The following GABRG3 variants were observed in gnomAD, a reference collection of about 807,000 sequenced individuals.
The protein encoded by GABRG3 is gamma-aminobutyric acid receptor subunit gamma-3.
In GABRG3, 25 loss-of-function variants were observed where a neutral mutation model predicts 48.8. That is an observed-to-expected ratio of 0.51 (90% CI 0.37 to 0.72). The LOEUF is 0.72. Among genes scored for constraint, GABRG3 ranks in the 30% least tolerant of loss-of-function variants. The pLI, the probability that GABRG3 is intolerant of heterozygous loss-of-function variation, is 0.00. For synonymous variants in GABRG3, 227 were observed against 217.6 expected (o/e 1.04, Z -0.38); for missense variants, 394 against 577.9 (o/e 0.68, Z 3.26).
intron 3 of GABRG3, among the ~76,000 whole-genome samples, chr15:27,155,023 A>G (rs575285513): frequency 6.7e-4 from 102 of 152,048 alleles, no homozygotes; most frequent in Non-Finnish European, 1.1e-3. Flanking sequence ...CCATGACACA[A>G]ATACTAGATC....
chr15:27,106,738 ATATCAC>A (rs1897456060), intron 3 of GABRG3, among the ~76,000 whole-genome samples: 1 of 152,050 alleles, frequency 6.6e-6, no homozygotes, highest in South Asian at 2.1e-4. Context: ...GAAATGAGGG[ATATCAC>A]TATAGGTCTG....
chr15:27,178,227 G>GA (rs993070587), intron 3 of GABRG3, among the ~76,000 whole-genome samples: 3 of 152,222 alleles, frequency 2.0e-5, no homozygotes, highest in Admixed American at 2.0e-4. Flanking sequence ...GTATTGTGTG[G>GA]AAAGAGTTGA....
chr15:27,005,342 A>C (rs1409571431), intron 2 of GABRG3, among the ~76,000 whole-genome samples: 1 of 152,176 alleles, frequency 6.6e-6, no homozygotes, highest in Non-Finnish European at 1.5e-5. Flanking sequence ...CTGGGACTAC[A>C]GGAGCAGGCC....
chr15:26,972,332 A>T lies in GABRG3; in HGVS notation c.53+744A>T, dbSNP rs1481153665. Reference sequence around the variant, plus strand: ...AACCGGCTAATGGGAGCTTAGAATCACTCTAGAAGAGATGAAGAGGGCGCA... The same window carrying T: ...AACCGGCTAATGGGAGCTTAGAATCTCTCTAGAAGAGATGAAGAGGGCGCA... On this transcript the variant is annotated intron_variant, in intron 1 of 9. Transcript: ENST00000615808. Among the ~76,000 whole-genome samples the T allele has an allele frequency of 2.6e-5, 4 of 152,180 alleles. No individual in the cohort carries two copies. In the East Asian group the frequency reaches 7.8e-4, roughly 30 times the overall value.
At chr15:27,388,184 G>A (rs1301332731) in intron 5 of GABRG3, among the ~76,000 whole-genome samples, 3 of 97,238 alleles carry the variant, frequency 3.1e-5, no homozygotes, top group Non-Finnish European at 5.8e-5. Context: ...GGAAAGGAGG[G>A]AGGGAGGGTA....
intron 5 of GABRG3, among the ~76,000 whole-genome samples, chr15:27,407,010 C>T (rs1357855563): frequency 6.6e-6 from 1 of 152,060 alleles, no homozygotes; most frequent in East Asian, 1.9e-4. Context: ...TCATTGCAAC[C>T]TCCACCTCCT....
chr15:27,524,499 T>C (rs1259247241), intron 7 of GABRG3, among the ~76,000 whole-genome samples: 1 of 152,086 alleles, frequency 6.6e-6, no homozygotes, highest in Non-Finnish European at 1.5e-5. Context: ...GTTTTCTAAA[T>C]TACTTATAAT....
intron 7 of GABRG3, among the ~76,000 whole-genome samples, chr15:27,526,955 CAGGGA>C (rs572529051): frequency 9.5e-4 from 144 of 152,244 alleles, no homozygotes; most frequent in African/African-American, 3.4e-3. Context: ...GTAGAAGGTA[CAGGGA>C]TACTGCAGAT....
intron 3 of GABRG3, among the ~76,000 whole-genome samples, chr15:27,071,985 A>T (rs192228095): frequency 6.6e-6 from 1 of 152,334 alleles, no homozygotes; most frequent in Admixed American, 6.5e-5. Flanking sequence ...TCAGGACGGT[A>T]TTTAAGCCAT....
At chr15:26,999,144 C>T (rs797000953) in intron 2 of GABRG3, among the ~76,000 whole-genome samples, 1 of 144,148 alleles carries the variant, frequency 6.9e-6, no homozygotes, top group Non-Finnish European at 1.5e-5. Flanking sequence ...AAAAAAAAAA[C>T]ACAATGAAAA....
At chr15:27,299,628 C>G (rs529724335) in intron 3 of GABRG3, among the ~76,000 whole-genome samples, 1 of 152,088 alleles carries the variant, frequency 6.6e-6, no homozygotes, top group Non-Finnish European at 1.5e-5. Flanking sequence ...AAAGTTGAGT[C>G]CCCAGGGAAT....
chr15:27,450,207 CA>C (rs1889068510), intron 5 of GABRG3, among the ~76,000 whole-genome samples: 1 of 152,182 alleles, frequency 6.6e-6, no homozygotes. Flanking sequence ...CTCCTGCCGT[CA>C]TTTTTTTCGT....
chr15:27,245,835 C>G (rs1004724781), intron 3 of GABRG3, among the ~76,000 whole-genome samples: 9 of 152,274 alleles, frequency 5.9e-5, no homozygotes, highest in Admixed American at 5.2e-4. Flanking sequence ...GCCTGGGTGA[C>G]AGTGCGAGAC....
Position 27,039,574 on chromosome 15 carries a change from C to T in GABRG3, c.270+12753C>T, listed in dbSNP as rs115425850. Among the ~76,000 whole-genome samples, 1,371 of 152,294 alleles carry T rather than the reference C, an allele frequency of 9.0e-3. 16 individuals carry two copies. Among genetic ancestry groups the T allele is most frequent in the African/African-American group, 0.031 (1,289 of 41,556 alleles). ...CCACAAGCATGAAGTGTTATGAAGA[C>T]GCCACAAAGAGAGTGCTTCACAGCA... On this transcript the variant is annotated intron_variant, in intron 3 of 9. Transcript: ENST00000615808.
chr15:27,407,884 A>G (rs1419566528), intron 5 of GABRG3, among the ~76,000 whole-genome samples: 1 of 152,226 alleles, frequency 6.6e-6, no homozygotes, highest in Non-Finnish European at 1.5e-5. Flanking sequence ...ACGATATTAC[A>G]ATAGTGGCTA....
intron 3 of GABRG3, among the ~76,000 whole-genome samples, chr15:27,051,738 T>A (rs1350148255): frequency 6.6e-6 from 1 of 152,246 alleles, no homozygotes; most frequent in Admixed American, 6.5e-5. Flanking sequence ...TTGTGCAGTC[T>A]ACTTCTATTA....
chr15:27,514,386 G>A (rs1242000842), intron 6 of GABRG3, among the ~76,000 whole-genome samples: 1 of 152,194 alleles, frequency 6.6e-6, no homozygotes, highest in Non-Finnish European at 1.5e-5. Context: ...AGACTTGACT[G>A]CAGAAGAATC....
chr15:27,307,005 T>TATATA lies in GABRG3; in HGVS notation c.271-19804_271-19803insATATA, dbSNP rs201237093. Among the ~76,000 whole-genome samples, 718 of 102,002 alleles carry TATATA rather than the reference T, an allele frequency of 7.0e-3. 41 individuals are homozygous for TATATA. The highest frequency in any genetic ancestry group is 0.017 in the East Asian group (58 of 3,482). 66.9% of individuals were successfully genotyped at this position (102,002 alleles called of 152,430 possible). Reference sequence around the variant, plus strand: ...ATATAAACATGTTTATATATAAACATGTATAAACATGTTTATATATAAACA... The same window carrying TATATA: ...ATATAAACATGTTTATATATAAACATATATAGTATAAACATGTTTATATATAAACA... On this transcript the variant is annotated intron_variant, in intron 3 of 9. Transcript: ENST00000615808.
rs113155765 is a variant in GABRG3, at chr15:27,387,931, G to A, written c.574+59043G>A. Reference sequence around the variant, plus strand: ...GGGAAGGAGGGAAGGAGGGAGGGAGGGAGGGAAGGAGGGAAAGAGGGAGGG... The same window carrying A: ...GGGAAGGAGGGAAGGAGGGAGGGAGAGAGGGAAGGAGGGAAAGAGGGAGGG... On this transcript the variant is annotated intron_variant, in intron 5 of 9. Coordinates refer to ENST00000615808, the MANE Select transcript of GABRG3 (RefSeq NM_033223.5). Among the ~76,000 whole-genome samples, 437 of 67,906 alleles carry A rather than the reference G, an allele frequency of 6.4e-3. 5 individuals are homozygous for A. Among genetic ancestry groups the A allele is most frequent in the Non-Finnish European group, 0.011 (328 of 30,650 alleles). 44.5% of individuals were successfully genotyped at this position (67,906 alleles called of 152,430 possible). A position where few individuals can be genotyped will look rare whatever the true frequency, so the allele number is the denominator to read the frequency against.
Sources: gnomAD v4.1 joint callset for allele counts (sites outside exome capture counted in the v4.1 genomes callset) on GRCh38, gnomAD v4.1.1 for gene constraint, MANE v1.5 for transcripts, NCBI Gene and HGNC (gene_info 2026-07-23, HGNC 2026-07-21) for gene names.